IK: variants seen among roughly 807,000 people sequenced by gnomAD.
IK encodes the protein protein Red.
A neutral mutation model predicts 90.9 loss-of-function variants in IK; 47 were observed. That is an observed-to-expected ratio of 0.52 (90% CI 0.41 to 0.66). The LOEUF (loss-of-function observed/expected upper bound fraction) is 0.66. Among genes scored for constraint, IK ranks in the 30% least tolerant of loss-of-function variants. The pLI, the probability that IK is intolerant of heterozygous loss-of-function variation, is 0.00. For synonymous variants in IK, 201 were observed against 227.5 expected, an observed-to-expected ratio of 0.88 and a Z score of 1.05; for missense variants, 385 against 709.3, an observed-to-expected ratio of 0.54 and a Z score of 5.19.
chr5:140,658,599 C>T (rs1460314507), intron 10 of IK, 138 bp from the exon 11 acceptor site: 16 of 694,192 alleles, frequency 2.3e-5, no homozygotes, highest in Middle Eastern at 3.4e-4. Flanking sequence ...GGATTACAGG[C>T]GTGAGCCACC....
At chr5:140,659,222 C>T (rs1757762063) in intron 12 of IK, 58 bp downstream of exon 12, 1 of 1,608,758 alleles carries the variant, frequency 6.2e-7, no homozygotes, top group African/African-American at 1.3e-5. Flanking sequence ...GAAATGTGAG[C>T]AAGGTTGGGT....
rs1334139732 is a variant in IK, at chr5:140,647,912, C to T, written c.4C>T (p.Pro2Ser). 2 of 1,613,876 alleles carry T rather than the reference C, an allele frequency of 1.2e-6. No homozygotes were observed. The highest frequency in any genetic ancestry group is 1.3e-5 in the African/African-American group (1 of 75,018). The change falls in exon 1 of 20, where the codon CCG (proline) becomes TCG (serine). Residue 2 changes from proline (P) to serine (S), a missense_variant. Physicochemically the swap from Pro to Ser is moderately conservative, Grantham distance 74 (BLOSUM62 -1). This residue lies in a region of IK where 42 missense variants were observed against 37.9 expected (regional missense o/e 1.11). Transcript: ENST00000417647. M[P>S]ERDSEPFSNP... is the part of the protein sequence containing the mutation. ...ACAGCGAAAGAACGATAACAAAATG[C>T]CGGAGCGAGATAGTAAGGCTCAGGC...
intron 2 of IK, among the ~76,000 whole-genome samples, chr5:140,649,886 C>G (rs193113112): frequency 1.5e-3 from 232 of 152,320 alleles, no homozygotes; most frequent in African/African-American, 5.2e-3. Context: ...CTGAGGAAAA[C>G]ACAACATTGC....
chr5:140,652,800 G>A (rs1394085184), intron 4 of IK, among the ~76,000 whole-genome samples, 177 bp from the exon 5 acceptor site: 1 of 152,184 alleles, frequency 6.6e-6, no homozygotes, highest in Non-Finnish European at 1.5e-5. Context: ...GCTGGAAGAA[G>A]TTGTAGTTCT....
intron 14 of IK, 64 bp downstream of exon 14, chr5:140,659,898 T>C (rs530407164): frequency 8.6e-7 from 1 of 1,160,676 alleles, no homozygotes; most frequent in Non-Finnish European, 1.3e-6. Flanking sequence ...CAACCCCCCC[T>C]GCCTCCCTGC....
Position 140,658,737 on chromosome 5 carries a change from G to A in IK, c.911G>A (p.Gly304Glu). 1.2e-6 allele frequency: 2 copies of A among 1,608,330 alleles called. No individual in the cohort carries two copies. The highest frequency in any genetic ancestry group is 1.7e-6 in the Non-Finnish European group (2 of 1,176,704). ...RNKKLKKKDKGKLEEKKPPEA... is the reference protein window; with the variant it reads ...RNKKLKKKDKEKLEEKKPPEA... ...CCTGACTCCTCTCTTTAAATTTCAG[G>A]GAAGCTGGAAGAGAAGAAACCTCCT... Residue 304 changes from glycine to glutamate, a missense_variant and splice_region_variant, in exon 11 of 20, where the codon GGG becomes GAG. Coordinates refer to ENST00000417647, the MANE Select transcript of IK (RefSeq NM_006083.4).
chr5:140,654,976 AT>A (rs58326545), intron 8 of IK, among the ~76,000 whole-genome samples: 64,558 of 149,768 alleles, frequency 0.43, 14,028 homozygotes, highest in East Asian at 0.47. Flanking sequence ...TACCTAGCTA[AT>A]TTTTTTTTTT....
At chr5:140,659,701 A>C (rs1757769063) in intron 13 of IK, 55 bp from the exon 14 acceptor site, 2 of 1,097,580 alleles carry the variant, frequency 1.8e-6, no homozygotes, top group African/African-American at 1.6e-5. Flanking sequence ...TGTTGTGGGG[A>C]GGAGGTTGTG....
Position 140,654,723 on chromosome 5 carries a change from T to A in IK, c.633T>A (p.Arg211=). 6.3e-7 allele frequency: 1 copy of A among 1,593,026 alleles called. No individual in the cohort carries two copies. Among genetic ancestry groups the A allele is most frequent in the Middle Eastern group, 1.7e-4 (1 of 5,784 alleles). The change falls in exon 8 of 20, where the codon CGT becomes CGA. Residue 211 remains arginine, a synonymous_variant. Transcript: ENST00000417647. The part of the protein sequence containing the change: ...DPENKIEFKT[R]LGRNVYRMLF... ...AAAATAAAATTGAATTTAAAACACG[T>A]CTGGGTGAGTACAGTTTCTATACTA...
Position 140,648,272 on chromosome 5 carries a change from C to T in IK, c.17-199C>T, listed in dbSNP as rs150972982. 1,726 of 709,100 alleles carry T rather than the reference C, an allele frequency of 2.4e-3. 12 individuals carry two copies. Among genetic ancestry groups the T allele is most frequent in the Middle Eastern group, 0.011 (47 of 4,374 alleles). The allele number at this position is 709,100 out of a possible 1,614,324, so 43.9% of individuals were successfully genotyped here. On this transcript the variant is annotated intron_variant, in intron 1 of 19. Coordinates refer to ENST00000417647, the MANE Select transcript of IK (RefSeq NM_006083.4). ...TGATCTTCCGGAAGTCTTCTCTGATCCTCCAGCGCAGGATTAGGGTCCTCT... is the reference window on the plus strand; with the variant it reads ...TGATCTTCCGGAAGTCTTCTCTGATTCTCCAGCGCAGGATTAGGGTCCTCT...
intron 4 of IK, among the ~76,000 whole-genome samples, chr5:140,652,377 C>T (rs1004497072): frequency 2.0e-5 from 3 of 152,096 alleles, no homozygotes; most frequent in Non-Finnish European, 4.4e-5. Context: ...TTTGCTTAGC[C>T]TCTCTAATCC....
At chr5:140,648,371 C>G (rs1049521906) in intron 1 of IK, 100 bp from the exon 2 acceptor site, 6 of 1,042,820 alleles carry the variant, frequency 5.8e-6, no homozygotes, top group Admixed American at 5.1e-5. Context: ...TGTCGCTGTT[C>G]TAACTTTTGT....
intron 5 of IK, among the ~76,000 whole-genome samples, chr5:140,653,406 C>G (rs1449640014): frequency 6.6e-6 from 1 of 151,658 alleles, no homozygotes; most frequent in Non-Finnish European, 1.5e-5. Context: ...CCTGCCTCAG[C>G]CTCCCGAGTA....
chr5:140,648,007 G>GGTGTGTGT (rs762057029), intron 1 of IK, 83 bp downstream of exon 1: 17,190 of 927,084 alleles, frequency 0.019, 81 homozygotes, highest in South Asian at 0.047. Flanking sequence ...GCTTAAGCCG[G>GGTGTGTGT]GTGTGTGTGT....
In IK at chr5:140,661,849, G is replaced by A. The variant is rs138334685; in HGVS notation, c.1503-50G>A. The A allele has an allele frequency of 4.3e-5, 65 of 1,519,550 alleles. No individual in the cohort carries two copies. In the East Asian group the frequency reaches 1.2e-3, roughly 28 times the overall value. The allele number at this position is 1,519,550 out of a possible 1,614,324, so 94.1% of individuals were successfully genotyped here. A position where few individuals can be genotyped will look rare whatever the true frequency, so the allele number is the denominator to read the frequency against. On this transcript the variant is annotated intron_variant, in intron 17 of 19. Transcript: ENST00000417647. The surrounding 1 kb of genome is among the most constrained non-coding windows in gnomAD (Gnocchi z 4.2). ...GCCCACAGGACTCTGGGAAAACCTC[G>A]CCACTGCTATGCAATCTCTGATGCA...
At position 140,662,388 on chromosome 5, in the gene IK, C is replaced by T; in HGVS notation, c.*59C>T. The T allele has an allele frequency of 6.4e-7, 1 of 1,562,518 alleles. No individual in the cohort carries two copies. The highest frequency in any genetic ancestry group is 8.8e-7 in the Non-Finnish European group (1 of 1,133,786). Reference sequence around the variant, plus strand: ...TATGCTCCCCACTGTTTTCTTTCTACAATTTCCAAAGGTTGCAAGATGTTT... The same window carrying T: ...TATGCTCCCCACTGTTTTCTTTCTATAATTTCCAAAGGTTGCAAGATGTTT... On this transcript the variant is annotated 3_prime_UTR_variant, in exon 20 of 20. Transcript: ENST00000417647.
chr5:140,652,838 C>T (rs1757638425), intron 4 of IK, 139 bp from the exon 5 acceptor site: 2 of 686,954 alleles, frequency 2.9e-6, no homozygotes, highest in Middle Eastern at 4.1e-4. Flanking sequence ...AAGAGGTGGC[C>T]AGCAGTTCTA....
intron 1 of IK, 25 bp from the exon 2 acceptor site, chr5:140,648,441 GATTAA>G (rs772011884): frequency 9.9e-6 from 16 of 1,609,916 alleles, no homozygotes; most frequent in East Asian, 4.5e-5. Flanking sequence ...GTAAGAGACT[GATTAA>G]ATTAACGTCA....
intron 13 of IK, 74 bp downstream of exon 13, chr5:140,659,407 A>G (rs1757764843): frequency 1.9e-6 from 3 of 1,539,828 alleles, no homozygotes; most frequent in Admixed American, 1.7e-5. Context: ...AGAGCTGGCA[A>G]CGGTGGGATT....
Sources: gnomAD v4.1 joint callset for allele counts (sites outside exome capture counted in the v4.1 genomes callset) on GRCh38, gnomAD v4.1.1 for gene constraint, gnomAD v4.1.1 regional missense constraint, Gnocchi (gnomAD v3.1) non-coding constraint, MANE v1.5 for transcripts, NCBI Gene and HGNC (gene_info 2026-07-23, HGNC 2026-07-21) for gene names.